Variants in WDFY1 observed in about 807,000 individuals in gnomAD.
The protein encoded by WDFY1 is WD repeat and FYVE domain containing 1, also known as WD repeat and FYVE domain-containing protein 1.
In WDFY1, 32 loss-of-function variants were observed where a neutral mutation model predicts 56.4. The observed-to-expected ratio is 0.57, with a 90% confidence interval of 0.43 to 0.76. The LOEUF (loss-of-function observed/expected upper bound fraction) is 0.76, where lower values mean the gene tolerates loss of function less well. Ranked by LOEUF, WDFY1 falls within the 30% of genes least tolerant of loss-of-function variation. The probability of loss-of-function intolerance (pLI) is 0.00; values close to 1 mark genes in which losing one functional copy is unlikely to be tolerated. For missense variants in WDFY1, 480 were observed against 545.7 expected (o/e 0.88, Z 1.20); for synonymous variants, 192 against 197.3 (o/e 0.97, Z 0.23).
At chr2:223,916,228 T>C (rs1693785056) in intron 2 of WDFY1, among the ~76,000 whole-genome samples, 1 of 152,190 alleles carries the variant, frequency 6.6e-6, no homozygotes, top group African/African-American at 2.4e-5. Context: ...TACTAACTTT[T>C]TGTGAAAATT....
At chr2:223,937,360 A>C (rs1393689698) in intron 1 of WDFY1, among the ~76,000 whole-genome samples, 1 of 152,244 alleles carries the variant, frequency 6.6e-6, no homozygotes, top group Non-Finnish European at 1.5e-5. Flanking sequence ...TGAAAATAAT[A>C]ATAGCTAACA....
At position 223,882,092 on chromosome 2, in the gene WDFY1, G is replaced by A. The variant is rs1444711905; in HGVS notation, c.934-20C>T. 7 of 1,609,156 alleles carry A rather than the reference G, an allele frequency of 4.4e-6. No homozygotes were observed. Among genetic ancestry groups the A allele is most frequent in the Non-Finnish European group, 5.1e-6 (6 of 1,177,284 alleles). On this transcript the variant is annotated intron_variant, in intron 9 of 11. Transcript: ENST00000233055. The stretch of plus-strand genomic sequence containing the variant: ...GTGATGCTTCACAGGTGACCGGGAG[G>A]AGGAAAACAGGGTGTTAGCTTTCGC...
chr2:223,936,262 A>C (rs1181994353), intron 1 of WDFY1, among the ~76,000 whole-genome samples: 2 of 151,864 alleles, frequency 1.3e-5, no homozygotes, highest in African/African-American at 4.8e-5. Context: ...GAGTTTGACT[A>C]TGTTGGCCAG....
intron 8 of WDFY1, among the ~76,000 whole-genome samples, chr2:223,891,642 C>T (rs1233596066): frequency 6.6e-6 from 1 of 152,126 alleles, no homozygotes; most frequent in Admixed American, 6.5e-5. Flanking sequence ...CAGTGATGCA[C>T]TTTGACGGTA....
intron 8 of WDFY1, among the ~76,000 whole-genome samples, chr2:223,893,100 G>A (rs1574761443): frequency 4.6e-5 from 7 of 152,144 alleles, no homozygotes; most frequent in African/African-American, 1.7e-4. Context: ...TCTATAAAAA[G>A]CCTTAAGAAT....
At chr2:223,880,009 G>T in intron 11 of WDFY1, 115 bp downstream of exon 11, 1 of 896,780 alleles carries the variant, frequency 1.1e-6, no homozygotes, top group Non-Finnish European at 1.8e-6. Flanking sequence ...TTTTAAACTG[G>T]CAATCATTTG....
chr2:223,896,132 G>T (rs1311853431), intron 6 of WDFY1, among the ~76,000 whole-genome samples: 1 of 97,548 alleles, frequency 1.0e-5, no homozygotes, highest in Non-Finnish European at 2.0e-5. Flanking sequence ...CTCCAGCCTG[G>T]GTGACAGAGT....
intron 1 of WDFY1, among the ~76,000 whole-genome samples, chr2:223,928,233 G>A (rs1283323823): frequency 1.3e-5 from 2 of 152,204 alleles, no homozygotes; most frequent in African/African-American, 2.4e-5. Flanking sequence ...CTTGCCTGGT[G>A]CATGGTTGCC....
At chr2:223,896,871 C>T (rs1289111446) in intron 6 of WDFY1, among the ~76,000 whole-genome samples, 2 of 152,134 alleles carry the variant, frequency 1.3e-5, no homozygotes, top group African/African-American at 2.4e-5. Context: ...CAGATAAATA[C>T]GGTCTTTCAG....
intron 1 of WDFY1, among the ~76,000 whole-genome samples, chr2:223,935,413 A>G (rs1033890895): frequency 6.6e-6 from 1 of 152,242 alleles, no homozygotes; most frequent in African/African-American, 2.4e-5. Context: ...GTATGACAAA[A>G]ATACATCATG....
intron 2 of WDFY1, among the ~76,000 whole-genome samples, chr2:223,912,566 C>A (rs1693722846): frequency 1.3e-5 from 2 of 152,132 alleles, no homozygotes; most frequent in African/African-American, 4.8e-5. Flanking sequence ...TGAAGTGAGC[C>A]AGCATGAAGC....
At chr2:223,884,785 G>A in intron 8 of WDFY1, 36 bp from the exon 9 acceptor site, 1 of 1,574,366 alleles carries the variant, frequency 6.4e-7, no homozygotes, top group African/African-American at 1.4e-5. Context: ...CCATCAGTGT[G>A]TCTATATTTA....
In WDFY1 at chr2:223,889,651, G is replaced by A. The variant is rs543750973; in HGVS notation, c.831+4583C>T. Among the ~76,000 whole-genome samples the A allele has an allele frequency of 2.6e-5, 4 of 152,268 alleles. No homozygotes were observed. In the East Asian group the frequency reaches 5.8e-4, roughly 22 times the overall value. Reference sequence around the variant, plus strand: ...GACGCCTCCCCAGCCATGTGGAATTGTAAGTCCATTAAACCTCTTTCCTTT... The same window carrying A: ...GACGCCTCCCCAGCCATGTGGAATTATAAGTCCATTAAACCTCTTTCCTTT... On this transcript the variant is annotated intron_variant, in intron 8 of 11. Transcript: ENST00000233055.
chr2:223,922,578 G>A (rs1693905248), intron 1 of WDFY1, among the ~76,000 whole-genome samples: 1 of 152,232 alleles, frequency 6.6e-6, no homozygotes, highest in Admixed American at 6.5e-5. Context: ...CCAGCTGCCT[G>A]TGTGTTCGGG....
chr2:223,933,741 G>A (rs1694119966), intron 1 of WDFY1, among the ~76,000 whole-genome samples: 1 of 151,776 alleles, frequency 6.6e-6, no homozygotes, highest in Non-Finnish European at 1.5e-5. Context: ...AGGATCACTT[G>A]AGCCCACGAG....
In WDFY1 at chr2:223,876,312, CA is replaced by C. The variant is rs1197810470; in HGVS notation, c.*2358del. 1.3e-5 allele frequency: 2 copies of C among 152,560 alleles called. No individual in the cohort carries two copies. Among genetic ancestry groups the C allele is most frequent in the African/African-American group, 4.8e-5 (2 of 41,418 alleles). The allele number at this position is 152,560 out of a possible 1,614,324, so 9.5% of individuals were successfully genotyped here. ...TTAAATGATCCATTTAAGAGAAATG[CA>C]GTCAAAATAAGGCAATAACCATCAG... On this transcript the variant is annotated 3_prime_UTR_variant, in exon 12 of 12. Transcript: ENST00000233055.
chr2:223,933,830 G>A (rs1055773576), intron 1 of WDFY1, among the ~76,000 whole-genome samples: 1 of 150,948 alleles, frequency 6.6e-6, no homozygotes, highest in Non-Finnish European at 1.5e-5. Flanking sequence ...AAGGAGTGGT[G>A]GTACATGTCT....
intron 3 of WDFY1, among the ~76,000 whole-genome samples, chr2:223,912,039 T>C (rs1693712719): frequency 6.6e-6 from 1 of 152,020 alleles, no homozygotes; most frequent in South Asian, 2.1e-4. Flanking sequence ...GGTCTCAAAC[T>C]CCTGGGCTCA....
intron 1 of WDFY1, among the ~76,000 whole-genome samples, chr2:223,928,548 C>G (rs147095757): frequency 4.6e-5 from 7 of 152,108 alleles, no homozygotes; most frequent in Admixed American, 4.6e-4. Context: ...GCGCAATGAG[C>G]CTTGAGGCAC....
Sources: gnomAD v4.1 joint callset for allele counts (sites outside exome capture counted in the v4.1 genomes callset) on GRCh38, gnomAD v4.1.1 for gene constraint, MANE v1.5 for transcripts, NCBI Gene and HGNC (gene_info 2026-07-23, HGNC 2026-07-21) for gene names.